TRAK2: variants seen among roughly 807,000 people sequenced by gnomAD.
TRAK2 encodes the protein trafficking kinesin-binding protein 2.
Under a neutral mutation model 104.6 loss-of-function variants are expected in TRAK2, and 81 were observed. That is an observed-to-expected ratio of 0.77 (90% CI 0.65 to 0.93). The LOEUF is 0.93. Ranked by LOEUF, TRAK2 falls within the 40% of genes least tolerant of loss-of-function variation. The probability of loss-of-function intolerance (pLI) is 0.00; values close to 1 mark genes in which losing one functional copy is unlikely to be tolerated. For missense variants in TRAK2, 1,002 were observed against 1,089.0 expected (o/e 0.92, Z 1.12); for synonymous variants, 406 against 394.4 (o/e 1.03, Z -0.35).
At chr2:201,431,333 T>A (rs1164852200) in intron 1 of TRAK2, among the ~76,000 whole-genome samples, 1 of 152,230 alleles carries the variant, frequency 6.6e-6, no homozygotes, top group Non-Finnish European at 1.5e-5. Context: ...GATCTTACAG[T>A]TCTGGAGGTC....
intron 10 of TRAK2, among the ~76,000 whole-genome samples, chr2:201,392,129 G>C (rs1348694167): frequency 6.6e-6 from 1 of 152,078 alleles, no homozygotes; most frequent in African/African-American, 2.4e-5. Flanking sequence ...AAATAGCCCA[G>C]GGGGAAAGAA....
chr2:201,392,761 T>G, intron 10 of TRAK2, 148 bp downstream of exon 10: 1 of 709,436 alleles, frequency 1.4e-6, no homozygotes. Flanking sequence ...ATATACAAAT[T>G]AGGGCCTAAA....
At chr2:201,430,530 G>A (rs907163397) in intron 1 of TRAK2, among the ~76,000 whole-genome samples, 5 of 152,290 alleles carry the variant, frequency 3.3e-5, no homozygotes, top group South Asian at 2.1e-4. Flanking sequence ...CAGCAATGGC[G>A]GACGCCCCTC....
Position 201,386,431 on chromosome 2 carries a change from T to A in TRAK2, c.1750A>T (p.Ile584Phe). 1 of 1,614,164 alleles carries A rather than the reference T, an allele frequency of 6.2e-7. No homozygotes were observed. The highest frequency in any genetic ancestry group is 8.5e-7 in the Non-Finnish European group (1 of 1,180,012). ...QQLAQPNLGT[I>F]LDPRPGVITK... ...ATGACACCTGGTCGTGGATCAAGGA[T>A]GGTTCCCAAGTTTGGTTGAGCAAGC... Residue 584 changes from isoleucine (I) to phenylalanine (F), a missense_variant, in exon 14 of 16, where the codon ATC (isoleucine) becomes TTC (phenylalanine). Coordinates refer to ENST00000332624, the MANE Select transcript of TRAK2 (RefSeq NM_015049.3).
At position 201,432,856 on chromosome 2, in the gene TRAK2, A is replaced by G. The variant is rs190456508; in HGVS notation, c.-199-12150T>C. On this transcript the variant is annotated intron_variant, in intron 1 of 15. Transcript: ENST00000332624. ...CATTTACACTGGAAATATATTCAAA[A>G]TTTTTATTTTATAAGCAATACTTTG... 5.3e-5 allele frequency among the ~76,000 whole-genome samples: 8 copies of G among 152,356 alleles called. No homozygotes were observed. In the East Asian group the frequency reaches 1.5e-3, roughly 29 times the overall value.
At chr2:201,384,257 C>A (rs751657325) in intron 14 of TRAK2, 41 bp from the exon 15 acceptor site, 4 of 1,350,534 alleles carry the variant, frequency 3.0e-6, no homozygotes, top group Non-Finnish European at 4.2e-6. Flanking sequence ...GATTGAAAGT[C>A]TAGATTAATA....
At position 201,451,365 on chromosome 2, in the gene TRAK2, T is replaced by A. The variant is rs1176222737; in HGVS notation, c.-215A>T. The A allele has an allele frequency of 6.6e-6, 1 of 152,116 alleles. No homozygotes were observed. Among genetic ancestry groups the A allele is most frequent in the African/African-American group, 2.4e-5 (1 of 41,446 alleles). The allele number at this position is 152,116 out of a possible 1,614,324, so 9.4% of individuals were successfully genotyped here. On this transcript the variant is annotated 5_prime_UTR_variant, in exon 1 of 16. The change abolishes an upstream ATG in the 5' untranslated region. Transcript: ENST00000332624. ...GCTTACTCACTGGAGTGGTTCGGCA[T>A]CCTCTGTCGTCCGCCCGCGCTTCCT... is the stretch of plus-strand genomic sequence containing the variant.
At chr2:201,439,402 G>A (rs1202138977) in intron 1 of TRAK2, among the ~76,000 whole-genome samples, 1 of 150,334 alleles carries the variant, frequency 6.7e-6, no homozygotes, top group African/African-American at 2.4e-5. Context: ...TTTTTTTTGT[G>A]GTTTTCCATG....
rs187681072 is a variant in TRAK2 at position 201,399,533 on chromosome 2, C to T, written c.364-40G>A. The T allele has an allele frequency of 3.8e-5, 58 of 1,517,628 alleles. No homozygotes were observed. The African/African-American group carries it at 7.1e-4, about 19-fold the overall frequency. The allele number at this position is 1,517,628 out of a possible 1,614,324, so 94.0% of individuals were successfully genotyped here. A position where few individuals can be genotyped will look rare whatever the true frequency, so the allele number is the denominator to read the frequency against. ...AATACACCTTTTCTTTGAGTATAAA[C>T]AAGGTTAAATGGCAGTTCAGAAATT... On this transcript the variant is annotated intron_variant, in intron 4 of 15. Coordinates refer to ENST00000332624, the MANE Select transcript of TRAK2 (RefSeq NM_015049.3).
intron 1 of TRAK2, among the ~76,000 whole-genome samples, chr2:201,440,034 T>C (rs1259741672): frequency 6.7e-6 from 1 of 149,726 alleles, no homozygotes; most frequent in East Asian, 2.0e-4. Context: ...TGTATACATA[T>C]GTAACTAACC....
chr2:201,401,992 G>C (rs1951554710), intron 3 of TRAK2, among the ~76,000 whole-genome samples: 1 of 152,150 alleles, frequency 6.6e-6, no homozygotes, highest in African/African-American at 2.4e-5. Flanking sequence ...CTTTGGAGTA[G>C]AAAAGCTGAA....
chr2:201,440,503 A>G (rs1297110304), intron 1 of TRAK2, among the ~76,000 whole-genome samples: 1 of 152,152 alleles, frequency 6.6e-6, no homozygotes, highest in Non-Finnish European at 1.5e-5. Flanking sequence ...ACTGTCAGCA[A>G]GTGCTTTTCT....
intron 2 of TRAK2, chr2:201,412,164 G>A (rs1031842081): frequency 1.4e-5 from 14 of 977,014 alleles, no homozygotes; most frequent in Non-Finnish European, 2.3e-5. Flanking sequence ...AAAACAAAAG[G>A]TACCATGTCA....
intron 2 of TRAK2, chr2:201,411,921 A>C (rs556619677): frequency 1.9e-5 from 20 of 1,043,798 alleles, no homozygotes; most frequent in African/African-American, 1.9e-4. Context: ...ATGTTTAGAC[A>C]GAGCTCCTGG....
intron 1 of TRAK2, among the ~76,000 whole-genome samples, chr2:201,436,652 CCTCT>C (rs762954083): frequency 3.3e-5 from 5 of 152,050 alleles, no homozygotes; most frequent in Admixed American, 6.6e-5. Flanking sequence ...TTCTCTTTGT[CCTCT>C]CTAACAATAA....
At chr2:201,390,150 C>T (rs3815514) in intron 10 of TRAK2, among the ~76,000 whole-genome samples, 9,583 of 152,068 alleles carry the variant, frequency 0.063, 644 homozygotes, top group East Asian at 0.26. Flanking sequence ...TCTGAAAGGC[C>T]ATAAACCCAG....
At chr2:201,410,555 G>C (rs1951636602) in intron 2 of TRAK2, 2 of 1,178,248 alleles carry the variant, frequency 1.7e-6, no homozygotes, top group Middle Eastern at 2.0e-4. Flanking sequence ...CACCCAAAAA[G>C]ATCTTTAAAA....
Position 201,389,415 on chromosome 2 carries a change from G to A in TRAK2, c.1282C>T (p.Pro428Ser), listed in dbSNP as rs1183326615. 6.2e-7 allele frequency: 1 copy of A among 1,614,036 alleles called. No individual in the cohort carries two copies. Among genetic ancestry groups the A allele is most frequent in the African/African-American group, 1.3e-5 (1 of 74,920 alleles). Residue 428 changes from proline to serine, a missense_variant, in exon 12 of 16, where the codon CCA becomes TCA. By Grantham distance (74) the Pro-to-Ser change is moderately conservative. Transcript: ENST00000332624. ...SISFPALLPI[P>S]GSNRSSVIMT... ...ATGACACTTGAACGGTTGGAGCCTG[G>A]AATGGGTAACAGAGCTGGGAATGAG...
intron 2 of TRAK2, among the ~76,000 whole-genome samples, chr2:201,416,952 A>C (rs1470452286): frequency 6.6e-6 from 1 of 152,116 alleles, no homozygotes; most frequent in Non-Finnish European, 1.5e-5. Context: ...AGTGATAATT[A>C]CATTAAAATT....
Sources: allele counts gnomAD v4.1 joint callset (sites outside exome capture counted in the v4.1 genomes callset), GRCh38; gene constraint gnomAD v4.1.1; transcripts MANE v1.5; gene names NCBI Gene and HGNC (gene_info 2026-07-23, HGNC 2026-07-21).